Variants in SLC4A4 observed in about 807,000 individuals in gnomAD.
SLC4A4 encodes the protein solute carrier family 4 member 4.
In SLC4A4, 27 loss-of-function variants were observed where a neutral mutation model predicts 111.5. The observed-to-expected ratio is 0.24, with a 90% CI of 0.18 to 0.33. The LOEUF (loss-of-function observed/expected upper bound fraction) is 0.33, where lower values mean the gene tolerates loss of function less well. SLC4A4 is among the 10% of genes least tolerant of loss of function. The probability of loss-of-function intolerance (pLI) is 1.00; values close to 1 mark genes in which losing one functional copy is unlikely to be tolerated. For synonymous variants in SLC4A4, 443 were observed against 463.4 expected, an observed-to-expected ratio of 0.96 and a Z score of 0.57; for missense variants, 909 against 1,315.5, an observed-to-expected ratio of 0.69 and a Z score of 4.78.
At chr4:71,422,323 T>G (rs1358667950) in intron 7 of SLC4A4, among the ~76,000 whole-genome samples, 3 of 145,318 alleles carry the variant, frequency 2.1e-5, no homozygotes, top group South Asian at 2.4e-4. Flanking sequence ...AATAACAGGA[T>G]CTGAAATTGT....
intron 1 of SLC4A4, among the ~76,000 whole-genome samples, chr4:71,198,964 G>A (rs1403916388): frequency 6.6e-6 from 1 of 152,178 alleles, no homozygotes; most frequent in Admixed American, 6.6e-5. Flanking sequence ...ATCACTGGGT[G>A]GATTAAGTAT....
chr4:71,301,868 C>T lies in SLC4A4; in HGVS notation c.254-37502C>T, dbSNP rs147222161. Among the ~76,000 whole-genome samples, 178 of 152,320 alleles carry T rather than the reference C, an allele frequency of 1.2e-3. 1 individual carries two copies. Among genetic ancestry groups the T allele is most frequent in the African/African-American group, 4.1e-3 (172 of 41,576 alleles). On this transcript the variant is annotated intron_variant, in intron 3 of 25. Transcript: ENST00000264485. ...CGCTGCAGGCAATCCAGCTGGTTCT[C>T]GAGAAATGCCAGGTCCTTAAGCTTA...
At chr4:71,548,387 A>T (rs1172060555) in intron 20 of SLC4A4, among the ~76,000 whole-genome samples, 2 of 151,940 alleles carry the variant, frequency 1.3e-5, no homozygotes, top group Admixed American at 1.3e-4. Flanking sequence ...ATCTGCCTAG[A>T]TAGATAAATG....
At chr4:71,477,058 C>A (rs1407319896) in intron 14 of SLC4A4, among the ~76,000 whole-genome samples, 6 of 151,638 alleles carry the variant, frequency 4.0e-5, no homozygotes, top group Non-Finnish European at 7.4e-5. Flanking sequence ...AATTTCATCA[C>A]CAACACCCCA....
intron 6 of SLC4A4, among the ~76,000 whole-genome samples, chr4:71,372,164 A>G (rs1199350539): frequency 6.6e-6 from 1 of 152,250 alleles, no homozygotes; most frequent in Non-Finnish European, 1.5e-5. Flanking sequence ...AGAAGTTACT[A>G]ACTACCTTTA....
intron 15 of SLC4A4, among the ~76,000 whole-genome samples, chr4:71,488,022 A>G (rs898932816): frequency 9.9e-5 from 15 of 151,638 alleles, no homozygotes; most frequent in Non-Finnish European, 1.6e-4. Flanking sequence ...CAGTCTTTCA[A>G]CTGGTCAGCC....
intron 1 of SLC4A4, among the ~76,000 whole-genome samples, chr4:71,206,193 T>TC (rs1422786320): frequency 6.6e-6 from 1 of 152,158 alleles, no homozygotes; most frequent in Non-Finnish European, 1.5e-5. Context: ...TGATTATAAC[T>TC]CATTAGGGGA....
chr4:71,441,817 A>G (rs1364345527), intron 8 of SLC4A4, among the ~76,000 whole-genome samples: 6 of 152,230 alleles, frequency 3.9e-5, no homozygotes, highest in Admixed American at 3.9e-4. Flanking sequence ...TTAGACACTT[A>G]AAATAGGAAT....
In SLC4A4 at chr4:71,499,421, C is replaced by T. The variant is rs534323267; in HGVS notation, c.2166+1729C>T. 1.6e-3 allele frequency among the ~76,000 whole-genome samples: 237 copies of T among 152,126 alleles called. 1 individual carries two copies. Among genetic ancestry groups the T allele is most frequent in the African/African-American group, 5.6e-3 (231 of 41,522 alleles). ...TCAAGCTAATTAACATATCCATTAC[C>T]TCACATACTTATTTTTTGTGATGAG... On this transcript the variant is annotated intron_variant, in intron 16 of 25. Transcript: ENST00000264485.
Position 71,460,997 on chromosome 4 carries a change from A to G in SLC4A4, c.1498-5447A>G, listed in dbSNP as rs925083071. Among the ~76,000 whole-genome samples, 18 of 152,202 alleles carry G rather than the reference A, an allele frequency of 1.2e-4. No homozygotes were observed. The East Asian group carries it at 3.3e-3, about 28-fold the overall frequency. On this transcript the variant is annotated intron_variant, in intron 12 of 25. Transcript: ENST00000264485. ...GTCTTATGCTGGTGACCTGACATCA[A>G]AATTCATATAGGTTAATTCTGCTCT... is the stretch of plus-strand genomic sequence containing the variant.
chr4:71,366,738 G>A (rs1449517964), intron 6 of SLC4A4, among the ~76,000 whole-genome samples: 1 of 152,134 alleles, frequency 6.6e-6, no homozygotes, highest in Non-Finnish European at 1.5e-5. Context: ...ATTACAGAAA[G>A]TTCTGCTCTA....
At chr4:71,332,438 G>C (rs1212563517) in intron 3 of SLC4A4, among the ~76,000 whole-genome samples, 1 of 147,254 alleles carries the variant, frequency 6.8e-6, no homozygotes, top group Admixed American at 6.8e-5. Flanking sequence ...CTCTGACTGT[G>C]TATTTTCTTT....
chr4:71,429,514 A>G (rs1723453894), intron 7 of SLC4A4, among the ~76,000 whole-genome samples: 1 of 152,152 alleles, frequency 6.6e-6, no homozygotes, highest in South Asian at 2.1e-4. Flanking sequence ...GAAAGAATAC[A>G]GGCTAGTGTA....
intron 2 of SLC4A4, among the ~76,000 whole-genome samples, chr4:71,129,345 C>A (rs1469036859): frequency 6.6e-6 from 1 of 151,930 alleles, no homozygotes; most frequent in Non-Finnish European, 1.5e-5. Flanking sequence ...ATGCATGTGA[C>A]CAACAAGTAT....
intron 2 of SLC4A4, among the ~76,000 whole-genome samples, chr4:71,161,056 T>C (rs1312265777): frequency 2.0e-5 from 3 of 152,170 alleles, no homozygotes; most frequent in African/African-American, 7.2e-5. Context: ...CTGGGGTATG[T>C]CTGCTGAGGG....
intron 2 of SLC4A4, among the ~76,000 whole-genome samples, chr4:71,111,969 T>A (rs1743102270): frequency 6.6e-6 from 1 of 152,196 alleles, no homozygotes; most frequent in Admixed American, 6.5e-5. Flanking sequence ...AGTGCTGAGA[T>A]TACAGACGTG....
At chr4:71,096,330 A>T (rs1319338173) in intron 2 of SLC4A4, among the ~76,000 whole-genome samples, 1 of 152,180 alleles carries the variant, frequency 6.6e-6, no homozygotes, top group East Asian at 1.9e-4. Flanking sequence ...GTATGTATAG[A>T]GAAAGGAGAG....
intron 6 of SLC4A4, among the ~76,000 whole-genome samples, chr4:71,373,991 C>T (rs544852994): frequency 6.6e-6 from 1 of 152,322 alleles, no homozygotes; most frequent in East Asian, 1.9e-4. Flanking sequence ...CTGCTCCCAT[C>T]ATACGTGTTG....
intron 14 of SLC4A4, among the ~76,000 whole-genome samples, chr4:71,481,952 G>A (rs956457284): frequency 6.6e-6 from 1 of 151,654 alleles, no homozygotes; most frequent in African/African-American, 2.4e-5. Flanking sequence ...TGCCTCATGA[G>A]CCAGGATGCT....
Sources: allele counts gnomAD v4.1 joint callset (sites outside exome capture counted in the v4.1 genomes callset), GRCh38; gene constraint gnomAD v4.1.1; transcripts MANE v1.5; gene names NCBI Gene and HGNC (gene_info 2026-07-23, HGNC 2026-07-21).